The following RBFOX1 variants were observed in gnomAD, a reference collection of about 807,000 sequenced individuals.
The protein encoded by RBFOX1 is RNA binding protein fox-1 homolog 1.
Under a neutral mutation model 57.7 loss-of-function variants are expected in RBFOX1, and 8 were observed. That is an observed-to-expected ratio of 0.14 (90% CI 0.08 to 0.25). RBFOX1 has a LOEUF of 0.25. Ranked by LOEUF, RBFOX1 falls within the 10% of genes least tolerant of loss-of-function variation. The pLI, the probability that RBFOX1 is intolerant of heterozygous loss-of-function variation, is 1.00. For synonymous variants in RBFOX1, 326 were observed against 222.4 expected (o/e 1.47, Z -4.15); for missense variants, 611 against 548.5 (o/e 1.11, Z -1.14).
At chr16:7,448,525 C>G (rs1046568451) in intron 4 of RBFOX1, among the ~76,000 whole-genome samples, 4 of 152,186 alleles carry the variant, frequency 2.6e-5, no homozygotes, top group African/African-American at 9.7e-5. Flanking sequence ...ATGGTGAGAA[C>G]AGCATGGGGA....
At chr16:6,874,620 C>T (rs34506874) in intron 3 of RBFOX1, among the ~76,000 whole-genome samples, 30,136 of 150,668 alleles carry the variant, frequency 0.2, 3,208 homozygotes, top group East Asian at 0.28. Flanking sequence ...GGAAACCAAA[C>T]ATCTCATGGC....
In RBFOX1 at chr16:7,399,090, C is replaced by G. The variant is rs1248589865; in HGVS notation, c.28-119057C>G. On this transcript the variant is annotated intron_variant, in intron 4 of 15. Transcript: ENST00000550418. ...TCAAACCTCAGCATCACGTAATATA[C>G]TCATGTAACAAAGCTGCACTTGTAC... 2.6e-5 allele frequency among the ~76,000 whole-genome samples: 4 copies of G among 152,316 alleles called. No homozygotes were observed. In the East Asian group the frequency reaches 7.7e-4, roughly 29 times the overall value.
At chr16:6,637,528 T>A (rs1226498479) in intron 2 of RBFOX1, among the ~76,000 whole-genome samples, 1 of 36,890 alleles carries the variant, frequency 2.7e-5, no homozygotes, top group African/African-American at 7.2e-5. Context: ...TATAATATTC[T>A]GTATAGTATA....
intron 1 of RBFOX1, among the ~76,000 whole-genome samples, chr16:6,182,592 T>G (rs779111696): frequency 1.3e-5 from 2 of 152,194 alleles, no homozygotes; most frequent in Admixed American, 6.5e-5. Flanking sequence ...TACCCCTTCC[T>G]CCTATTATTA....
chr16:5,992,374 A>T (rs973593432), intron 4 of RBFOX1, among the ~76,000 whole-genome samples: 1 of 152,220 alleles, frequency 6.6e-6, no homozygotes, highest in African/African-American at 2.4e-5. Context: ...AATTTTATCT[A>T]TTCATTAAAG....
chr16:6,806,991 G>A (rs1375037288), intron 3 of RBFOX1, among the ~76,000 whole-genome samples: 2 of 151,100 alleles, frequency 1.3e-5, no homozygotes, highest in Non-Finnish European at 1.5e-5. Flanking sequence ...GTCTCACCAC[G>A]TCCAGCTGAT....
intron 1 of RBFOX1, among the ~76,000 whole-genome samples, chr16:6,084,328 C>G (rs527681032): frequency 6.6e-6 from 1 of 152,148 alleles, no homozygotes; most frequent in Non-Finnish European, 1.5e-5. Flanking sequence ...ACGGCAGCCT[C>G]GACCTCCCAG....
chr16:6,634,080 C>G (rs538518672), intron 2 of RBFOX1, among the ~76,000 whole-genome samples: 1 of 145,108 alleles, frequency 6.9e-6, no homozygotes, highest in Non-Finnish European at 1.5e-5. Context: ...CACACACATA[C>G]ACACACACAT....
At chr16:7,184,457 A>G (rs2083326901) in intron 4 of RBFOX1, among the ~76,000 whole-genome samples, 1 of 152,232 alleles carries the variant, frequency 6.6e-6, no homozygotes, top group Non-Finnish European at 1.5e-5. Flanking sequence ...GTGTCTGTTC[A>G]TCTGCATTGC....
At chr16:7,453,233 A>G (rs988668705) in intron 4 of RBFOX1, among the ~76,000 whole-genome samples, 7 of 151,868 alleles carry the variant, frequency 4.6e-5, no homozygotes, top group Non-Finnish European at 8.8e-5. Flanking sequence ...TCGAAGGGGT[A>G]GGAGGTTAAA....
intron 4 of RBFOX1, among the ~76,000 whole-genome samples, chr16:7,425,143 C>T (rs1354096185): frequency 5.9e-5 from 9 of 152,144 alleles, no homozygotes; most frequent in Middle Eastern, 3.4e-3. Context: ...TTCTTTTAGA[C>T]ATTTAGAGAA....
intron 11 of RBFOX1, among the ~76,000 whole-genome samples, chr16:7,639,651 T>A (rs932063669): frequency 2.6e-5 from 4 of 152,170 alleles, no homozygotes; most frequent in African/African-American, 9.6e-5. Context: ...TCCTAGGGGA[T>A]ATTTGGGAAG....
chr16:7,595,780 A>C (rs867626611), intron 8 of RBFOX1, 139 bp downstream of exon 8: 15 of 343,414 alleles, frequency 4.4e-5, no homozygotes, highest in Middle Eastern at 1.2e-3. Flanking sequence ...ATATATTTTT[A>C]TATATAAAAA....
intron 4 of RBFOX1, among the ~76,000 whole-genome samples, chr16:7,386,313 C>T (rs1024818227): frequency 1.3e-5 from 2 of 152,056 alleles, no homozygotes; most frequent in Non-Finnish European, 2.9e-5. Flanking sequence ...ATACATGTGC[C>T]ATGGTGGTTG....
At chr16:5,914,602 A>G (rs1437152434) in intron 4 of RBFOX1, among the ~76,000 whole-genome samples, 1 of 152,178 alleles carries the variant, frequency 6.6e-6, no homozygotes, top group African/African-American at 2.4e-5. Flanking sequence ...GCAAAAGAAA[A>G]AAAAGGGAGA....
At chr16:7,449,129 A>G (rs1183705896) in intron 4 of RBFOX1, among the ~76,000 whole-genome samples, 3 of 151,890 alleles carry the variant, frequency 2.0e-5, no homozygotes, top group African/African-American at 4.8e-5. Context: ...GGGTTTCTCC[A>G]TGTTGGTCAG....
chr16:6,516,574 G>A (rs1055751045), intron 2 of RBFOX1, among the ~76,000 whole-genome samples: 1 of 152,132 alleles, frequency 6.6e-6, no homozygotes, highest in African/African-American at 2.4e-5. Context: ...TGTACATGAA[G>A]AGTGACTAGT....
intron 3 of RBFOX1, among the ~76,000 whole-genome samples, chr16:5,851,793 G>A (rs2056903710): frequency 6.6e-6 from 1 of 152,196 alleles, no homozygotes; most frequent in South Asian, 2.1e-4. Flanking sequence ...CGCAAGTTTA[G>A]CGTTCTGTGG....
chr16:7,137,825 G>C (rs539730513), intron 4 of RBFOX1, among the ~76,000 whole-genome samples: 2 of 152,200 alleles, frequency 1.3e-5, no homozygotes, highest in South Asian at 2.1e-4. Flanking sequence ...ATCTGCAAAT[G>C]TATGTGCACA....
Sources: gnomAD v4.1 joint callset for allele counts (sites outside exome capture counted in the v4.1 genomes callset) on GRCh38, gnomAD v4.1.1 for gene constraint, MANE v1.5 for transcripts, NCBI Gene and HGNC (gene_info 2026-07-23, HGNC 2026-07-21) for gene names.